Variants in CWC27 observed in about 807,000 individuals in gnomAD.
CWC27 encodes spliceosome-associated protein CWC27 homolog.
A neutral mutation model predicts 63.6 loss-of-function variants in CWC27; 47 were observed. The ratio of observed to expected loss-of-function variants is 0.74; its 90% CI spans 0.58 to 0.94. The LOEUF is 0.94. CWC27 is among the 40% of genes least tolerant of loss of function. The pLI, the probability that CWC27 is intolerant of heterozygous loss-of-function variation, is 0.00. For missense variants in CWC27, 495 were observed against 554.3 expected (o/e 0.89, Z 1.07); for synonymous variants, 175 against 179.8 (o/e 0.97, Z 0.22).
chr5:64,798,732 A>G (rs1277037457), intron 7 of CWC27, among the ~76,000 whole-genome samples: 2 of 152,192 alleles, frequency 1.3e-5, no homozygotes, highest in Non-Finnish European at 2.9e-5. Context: ...GAGCTTAAGG[A>G]AAAGAAGTGT....
At chr5:64,919,542 G>T (rs1233938543) in intron 11 of CWC27, among the ~76,000 whole-genome samples, 1 of 152,036 alleles carries the variant, frequency 6.6e-6, no homozygotes, top group Non-Finnish European at 1.5e-5. Context: ...AGTATCTATT[G>T]TTCTCGTCTT....
At chr5:64,877,626 C>A (rs1243952893) in intron 10 of CWC27, among the ~76,000 whole-genome samples, 1 of 151,942 alleles carries the variant, frequency 6.6e-6, no homozygotes, top group Non-Finnish European at 1.5e-5. Flanking sequence ...CCTGACTTTA[C>A]CATTACGTAT....
chr5:65,018,093 G>A (rs1750082219), intron 13 of CWC27, 66 bp from the exon 14 acceptor site: 2 of 1,334,452 alleles, frequency 1.5e-6, no homozygotes, highest in African/African-American at 1.5e-5. Context: ...GATGATAGTA[G>A]AGTATAGAAT....
chr5:64,995,657 C>T (rs1210006888), intron 13 of CWC27, among the ~76,000 whole-genome samples: 1 of 151,984 alleles, frequency 6.6e-6, no homozygotes, highest in Admixed American at 6.6e-5. Flanking sequence ...AGAGTAAGGC[C>T]TTATGTATAT....
At chr5:64,874,812 A>G (rs986219306) in intron 10 of CWC27, among the ~76,000 whole-genome samples, 2 of 151,022 alleles carry the variant, frequency 1.3e-5, no homozygotes, top group African/African-American at 4.9e-5. Context: ...AATGTACTCT[A>G]TTCAGCACTT....
chr5:64,775,424 A>G (rs1743406714), intron 2 of CWC27, among the ~76,000 whole-genome samples: 1 of 152,136 alleles, frequency 6.6e-6, no homozygotes, highest in African/African-American at 2.4e-5. Flanking sequence ...CTAGCTATCC[A>G]ACTTTCTAGC....
chr5:64,818,945 AC>A (rs1400979457), intron 10 of CWC27, among the ~76,000 whole-genome samples: 3 of 152,162 alleles, frequency 2.0e-5, no homozygotes, highest in African/African-American at 7.2e-5. Flanking sequence ...AAATGTGCTT[AC>A]CTTTTAGTAG....
intron 10 of CWC27, among the ~76,000 whole-genome samples, chr5:64,879,404 A>G (rs1375358797): frequency 1.3e-5 from 2 of 151,992 alleles, no homozygotes; most frequent in Non-Finnish European, 2.9e-5. Context: ...AGAGAATTGC[A>G]GTCCTGAGTG....
intron 11 of CWC27, among the ~76,000 whole-genome samples, chr5:64,934,913 A>G (rs1023281359): frequency 4.6e-5 from 7 of 152,008 alleles, no homozygotes; most frequent in African/African-American, 1.7e-4. Context: ...TTTGAGAAGT[A>G]TCTGTTCATA....
intron 10 of CWC27, among the ~76,000 whole-genome samples, chr5:64,883,652 A>C (rs1027786834): frequency 1.3e-5 from 2 of 152,212 alleles, no homozygotes; most frequent in Non-Finnish European, 2.9e-5. Flanking sequence ...AAATGAGAAA[A>C]GGCCATTGAA....
chr5:64,934,855 G>C lies in CWC27; in HGVS notation c.1043-36848G>C, dbSNP rs146089822. Among the ~76,000 whole-genome samples the C allele has an allele frequency of 7.2e-3, 1,101 of 152,324 alleles. 6 individuals are homozygous for C. The highest frequency in any genetic ancestry group is 0.025 in the African/African-American group (1,059 of 41,564). On this transcript the variant is annotated intron_variant, in intron 11 of 13. Coordinates refer to ENST00000381070, the MANE Select transcript of CWC27 (RefSeq NM_005869.4). ...GATTTGCATTTCTCTAATGACCAGTGATGATGAGCTTTTTTTCATATGTTT... is the reference window on the plus strand; with the variant it reads ...GATTTGCATTTCTCTAATGACCAGTCATGATGAGCTTTTTTTCATATGTTT...
intron 13 of CWC27, among the ~76,000 whole-genome samples, chr5:64,981,331 A>G (rs1461341088): frequency 5.3e-5 from 8 of 152,212 alleles, no homozygotes; most frequent in Non-Finnish European, 1.2e-4. Context: ...ATTAGATCAT[A>G]TAGTACTACA....
At chr5:64,807,824 C>A (rs1371963559) in intron 10 of CWC27, 17 of 1,532,458 alleles carry the variant, frequency 1.1e-5, no homozygotes, top group African/African-American at 2.7e-5. Context: ...TTTCTTCAAC[C>A]CGTATTTCTT....
At chr5:64,983,392 G>A (rs1749363069) in intron 13 of CWC27, among the ~76,000 whole-genome samples, 1 of 151,940 alleles carries the variant, frequency 6.6e-6, no homozygotes, top group African/African-American at 2.4e-5. Flanking sequence ...ACTCATGAGG[G>A]GATAAGAATG....
chr5:64,976,040 C>T (rs1749222917), intron 12 of CWC27, among the ~76,000 whole-genome samples: 1 of 152,004 alleles, frequency 6.6e-6, no homozygotes, highest in African/African-American at 2.4e-5. Flanking sequence ...TGCACTCCAG[C>T]CTGGGCCTCA....
At chr5:64,979,905 G>A (rs569644936) in intron 13 of CWC27, among the ~76,000 whole-genome samples, 9 of 147,166 alleles carry the variant, frequency 6.1e-5, no homozygotes, top group African/African-American at 2.0e-4. Flanking sequence ...CTGAGCTGCT[G>A]TATTGGCATG....
chr5:64,849,098 C>T (rs1348765126), intron 10 of CWC27, among the ~76,000 whole-genome samples: 6 of 151,942 alleles, frequency 3.9e-5, no homozygotes, highest in Non-Finnish European at 8.8e-5. Flanking sequence ...CTACAGACTC[C>T]ACCAAAGAGC....
At chr5:65,007,869 C>G (rs575133280) in intron 13 of CWC27, among the ~76,000 whole-genome samples, 1 of 152,224 alleles carries the variant, frequency 6.6e-6, no homozygotes, top group Admixed American at 6.5e-5. Flanking sequence ...ACCTCGTGAT[C>G]CGCCCGCCTC....
At position 64,858,300 on chromosome 5, in the gene CWC27, A is replaced by C. The variant is rs558756446; in HGVS notation, c.939-27143A>C. 4.7e-4 allele frequency among the ~76,000 whole-genome samples: 70 copies of C among 149,748 alleles called. 1 individual carries two copies. The South Asian group carries it at 0.015, about 31-fold the overall frequency. On this transcript the variant is annotated intron_variant, in intron 10 of 13. Coordinates refer to ENST00000381070, the MANE Select transcript of CWC27 (RefSeq NM_005869.4). ...CGGTGAAACCCCGTCTCTACTAAAA[A>C]TACAAAAAAAAATTAGCAGGGCGTG...
Sources: allele counts gnomAD v4.1 joint callset (sites outside exome capture counted in the v4.1 genomes callset), GRCh38; gene constraint gnomAD v4.1.1; transcripts MANE v1.5; gene names NCBI Gene and HGNC (gene_info 2026-07-23, HGNC 2026-07-21).